The following PKP2 variants were observed in gnomAD, a reference collection of about 807,000 sequenced individuals.
PKP2 encodes the protein plakophilin 2.
In PKP2, 73 loss-of-function variants were observed where a neutral mutation model predicts 83.4. The observed-to-expected ratio is 0.88, with a 90% CI of 0.72 to 1.06. PKP2 has a LOEUF of 1.06. Among genes scored for constraint, PKP2 ranks in the 50% least tolerant of loss-of-function variants. The pLI, the probability that PKP2 is intolerant of heterozygous loss-of-function variation, is 0.00. For missense variants in PKP2, 966 were observed against 1,065.4 expected (o/e 0.91, Z 1.30); for synonymous variants, 409 against 430.4 (o/e 0.95, Z 0.62).
At chr12:32,845,089 T>C (rs1291385636) in intron 5 of PKP2, among the ~76,000 whole-genome samples, 1 of 152,204 alleles carries the variant, frequency 6.6e-6, no homozygotes, top group African/African-American at 2.4e-5. Context: ...GAGGCTCTCA[T>C]TCTAGCCAAA....
chr12:32,793,730 G>T (rs1956095289), intron 11 of PKP2, among the ~76,000 whole-genome samples: 1 of 149,854 alleles, frequency 6.7e-6, no homozygotes, highest in African/African-American at 2.5e-5. Context: ...GAAGTAGCTG[G>T]GACTACAGGC....
rs552084860 is a variant in PKP2 at position 32,790,899 on chromosome 12, G to C, written c.*1525C>G. On this transcript the variant is annotated 3_prime_UTR_variant, in exon 13 of 13. Transcript: ENST00000340811. ...GAAAAAGACATATAAATTCTCTCCAGTATTTTAAAAATTGGTATCTAAATA... is the reference window on the plus strand; with the variant it reads ...GAAAAAGACATATAAATTCTCTCCACTATTTTAAAAATTGGTATCTAAATA... The C allele has an allele frequency of 2.4e-4, 37 of 152,102 alleles. No individual in the cohort carries two copies. Among genetic ancestry groups the C allele is most frequent in the Non-Finnish European group, 4.0e-4 (27 of 68,018 alleles). The allele number at this position is 152,102 out of a possible 1,614,324, so 9.4% of individuals were successfully genotyped here.
intron 9 of PKP2, among the ~76,000 whole-genome samples, chr12:32,817,929 T>C (rs1013814354): frequency 3.9e-5 from 6 of 152,098 alleles, no homozygotes; most frequent in Middle Eastern, 3.2e-3. Flanking sequence ...TGACATTAGA[T>C]TCTCATGGGG....
At chr12:32,809,078 C>T (rs998752237) in intron 9 of PKP2, among the ~76,000 whole-genome samples, 8 of 152,220 alleles carry the variant, frequency 5.3e-5, no homozygotes, top group African/African-American at 9.6e-5. Flanking sequence ...GACCCTTCCT[C>T]ATCTGGACTG....
chr12:32,844,651 A>T (rs1279322356), intron 5 of PKP2, among the ~76,000 whole-genome samples: 1 of 152,228 alleles, frequency 6.6e-6, no homozygotes, highest in Non-Finnish European at 1.5e-5. Context: ...AACTACTTGT[A>T]AGACCCAGCT....
chr12:32,887,331 T>C (rs1957038807), intron 1 of PKP2, among the ~76,000 whole-genome samples: 1 of 152,206 alleles, frequency 6.6e-6, no homozygotes, highest in Non-Finnish European at 1.5e-5. Flanking sequence ...CTAGAGTCCT[T>C]ATTTTTCAGG....
Position 32,796,263 on chromosome 12 carries a change from G to C in PKP2, c.2203C>G (p.Pro735Ala), listed in dbSNP as rs757565158. The change falls in exon 11 of 13, where the codon CCT (proline) becomes GCT (alanine). Residue 735 changes from proline (P) to alanine (A), a missense_variant. By Grantham distance (27) the Pro-to-Ala change is conservative. Transcript: ENST00000340811. ...AGGTCAGTACTCGGGACTGTGTCAG[G>C]AATGATGGAAACCAAATCAGGGAGA... ...ETLPDLVSII[P>A]DTVPSTDLLI... The C allele has an allele frequency of 1.9e-6, 3 of 1,612,340 alleles. No individual in the cohort carries two copies. In the Admixed American group the frequency reaches 5.0e-5, roughly 27 times the overall value.
In PKP2 at chr12:32,791,038, C is replaced by G; in HGVS notation, c.*1386G>C. On this transcript the variant is annotated 3_prime_UTR_variant, in exon 13 of 13. Coordinates refer to ENST00000340811, the MANE Select transcript of PKP2 (RefSeq NM_001005242.3). The stretch of plus-strand genomic sequence containing the variant: ...TAAGTACACATTCAAAATTTATTTT[C>G]TGTTACAGTTTTCTTGCCAAAAGGA... 1 of 151,864 alleles carries G rather than the reference C, an allele frequency of 6.6e-6. No homozygotes were observed. Among genetic ancestry groups the G allele is most frequent in the East Asian group, 1.9e-4 (1 of 5,196 alleles). 9.4% of individuals were successfully genotyped at this position (151,864 alleles called of 1,614,324 possible).
chr12:32,877,811 C>T (rs1354712028), intron 3 of PKP2, 35 bp downstream of exon 3: 4 of 1,456,212 alleles, frequency 2.7e-6, no homozygotes, highest in East Asian at 4.5e-5. Context: ...AATGTGCTGG[C>T]AATGACTGAA....
At chr12:32,804,695 C>G (rs138655353) in intron 9 of PKP2, among the ~76,000 whole-genome samples, 9 of 152,322 alleles carry the variant, frequency 5.9e-5, no homozygotes, top group Non-Finnish European at 1.3e-4. Flanking sequence ...TTTATTCAAT[C>G]TATCACTGGT....
chr12:32,816,968 C>T (rs1565579190), intron 9 of PKP2, among the ~76,000 whole-genome samples: 1 of 152,018 alleles, frequency 6.6e-6, no homozygotes, highest in South Asian at 2.1e-4. Flanking sequence ...TTTTTAAGTT[C>T]CTTACAGATT....
rs759377911 is a variant in PKP2, at chr12:32,878,516, G to A, written c.364C>T (p.Arg122Cys). 48 of 1,611,992 alleles carry A rather than the reference G, an allele frequency of 3.0e-5. No individual in the cohort carries two copies. The highest frequency in any genetic ancestry group is 3.4e-5 in the Non-Finnish European group (40 of 1,179,120). ...KAGTTATYEG[R>C]WGRGTAQYSS... ...TACTGTGCTGTTCCTCTTCCCCAGC[G>A]ACCTTCATAAGTGGCAGTTGTGCCA... Residue 122 changes from arginine (R) to cysteine (C), a missense_variant, in exon 3 of 13, where the codon CGC (arginine) becomes TGC (cysteine). By Grantham distance (180) the Arg-to-Cys change is radical. Transcript: ENST00000340811.
intron 9 of PKP2, among the ~76,000 whole-genome samples, chr12:32,803,197 C>CT (rs2137727477): frequency 6.6e-6 from 1 of 152,016 alleles, no homozygotes; most frequent in East Asian, 2.0e-4. Flanking sequence ...TGGTGAAACC[C>CT]TGTCTTTACT....
At chr12:32,832,960 T>C (rs1053769726) in intron 6 of PKP2, among the ~76,000 whole-genome samples, 2 of 152,120 alleles carry the variant, frequency 1.3e-5, no homozygotes, top group African/African-American at 2.4e-5. Context: ...TGAAAATGCA[T>C]ACAGGCCAGG....
intron 5 of PKP2, among the ~76,000 whole-genome samples, chr12:32,841,596 T>G (rs1175147773): frequency 6.6e-6 from 1 of 152,168 alleles, no homozygotes; most frequent in African/African-American, 2.4e-5. Context: ...TAACTAAAAC[T>G]TCAACATTTT....
chr12:32,868,409 G>A (rs1956868076), intron 4 of PKP2, among the ~76,000 whole-genome samples: 1 of 151,906 alleles, frequency 6.6e-6, no homozygotes, highest in South Asian at 2.1e-4. Flanking sequence ...GTAGAGTTGG[G>A]GTTTCATCAT....
chr12:32,802,934 C>T (rs866288222), intron 9 of PKP2, among the ~76,000 whole-genome samples: 6 of 151,788 alleles, frequency 4.0e-5, no homozygotes, highest in Admixed American at 6.6e-5. Context: ...GTTGGGATTA[C>T]AGGCGTGAAC....
At chr12:32,878,849 A>G in intron 2 of PKP2, 71 bp downstream of exon 2, 1 of 902,978 alleles carries the variant, frequency 1.1e-6, no homozygotes. Flanking sequence ...CTCAAAAATA[A>G]TCTTAGGAAG....
At chr12:32,810,949 G>GAAGTCACATTTA (rs1288306207) in intron 9 of PKP2, among the ~76,000 whole-genome samples, 4 of 6,488 alleles carry the variant, frequency 6.2e-4, no homozygotes, top group East Asian at 0.016. Flanking sequence ...CCAAAGTGCT[G>GAAGTCACATTTA]GGATTACAGG....
Sources: gnomAD v4.1 joint callset for allele counts (sites outside exome capture counted in the v4.1 genomes callset) on GRCh38, gnomAD v4.1.1 for gene constraint, MANE v1.5 for transcripts, NCBI Gene and HGNC (gene_info 2026-07-23, HGNC 2026-07-21) for gene names.